The following KHDRBS2 variants were observed in gnomAD, a reference collection of about 807,000 sequenced individuals.
KHDRBS2 encodes KH domain-containing, RNA-binding, signal transduction-associated protein 2.
Under a neutral mutation model 44.3 loss-of-function variants are expected in KHDRBS2, and 26 were observed. The observed-to-expected ratio is 0.59, with a 90% CI of 0.43 to 0.81. KHDRBS2 has a LOEUF of 0.81. Among genes scored for constraint, KHDRBS2 ranks in the 40% least tolerant of loss-of-function variants. The pLI is 0.00. For synonymous variants in KHDRBS2, 194 were observed against 151.1 expected (o/e 1.28, Z -2.08); for missense variants, 476 against 433.1 (o/e 1.10, Z -0.88).
intron 1 of KHDRBS2, among the ~76,000 whole-genome samples, chr6:62,255,605 AACACACACACACACACACACACACACAC>A (rs60498757): frequency 1.5e-5 from 2 of 137,424 alleles, no homozygotes; most frequent in Non-Finnish European, 3.1e-5. Flanking sequence ...CATGCTTTAA[AACACACACACACACACACACACACACAC>A]ACACACACAC....
the KHDRBS2 span, among the ~76,000 whole-genome samples, chr6:61,556,620 C>G: frequency 1.3e-4 from 20 of 151,992 alleles, 1 homozygote; most frequent in Non-Finnish European, 2.5e-4. Context: ...GAACCTAATT[C>G]AGCTTACAGC....
At chr6:61,749,869 T>A (rs538012878) in intron 6 of KHDRBS2, among the ~76,000 whole-genome samples, 3 of 152,202 alleles carry the variant, frequency 2.0e-5, no homozygotes, top group South Asian at 2.1e-4. Flanking sequence ...AAAAATCAGA[T>A]CCATATTTCC....
At chr6:62,118,388 T>C (rs557091426) in intron 2 of KHDRBS2, among the ~76,000 whole-genome samples, 2 of 152,324 alleles carry the variant, frequency 1.3e-5, no homozygotes, top group Non-Finnish European at 2.9e-5. Flanking sequence ...GGTCTTTGTG[T>C]CATCATACAA....
intron 6 of KHDRBS2, among the ~76,000 whole-genome samples, chr6:61,788,193 A>T (rs1784109342): frequency 6.6e-6 from 1 of 151,566 alleles, no homozygotes; most frequent in Non-Finnish European, 1.5e-5. Context: ...AACCTTAGTC[A>T]GCTACTTTCA....
rs1777463300 is a variant in KHDRBS2 at position 61,750,205 on chromosome 6, G to A, written c.811-17441C>T. Among the ~76,000 whole-genome samples the A allele has an allele frequency of 2.6e-5, 4 of 152,126 alleles. No individual in the cohort carries two copies. In the South Asian group the frequency reaches 8.3e-4, roughly 32 times the overall value. ...AGAGATTGACAAAAGCATCAAAAGA[G>A]ACAAAAGGTCATTCTTTTAAAAGTC... On this transcript the variant is annotated intron_variant, in intron 6 of 8. Coordinates refer to ENST00000281156, the MANE Select transcript of KHDRBS2 (RefSeq NM_152688.4).
the KHDRBS2 span, among the ~76,000 whole-genome samples, chr6:61,662,393 C>T: frequency 6.6e-6 from 1 of 150,722 alleles, no homozygotes; most frequent in South Asian, 2.1e-4. Flanking sequence ...CCAAAATTGA[C>T]AAATGGGATC....
chr6:62,154,291 C>T (rs2150107709), intron 2 of KHDRBS2, among the ~76,000 whole-genome samples: 1 of 152,270 alleles, frequency 6.6e-6, no homozygotes, highest in Non-Finnish European at 1.5e-5. Flanking sequence ...GGATAGCTCC[C>T]TTTCCCATCC....
chr6:62,048,061 A>G, intron 2 of KHDRBS2, 67 bp from the exon 3 acceptor site: 1 of 885,706 alleles, frequency 1.1e-6, no homozygotes, highest in Non-Finnish European at 1.9e-6. Flanking sequence ...CACCAAGAGT[A>G]ATTGATAGGT....
chr6:61,588,979 G>C, the KHDRBS2 span, among the ~76,000 whole-genome samples: 7 of 151,974 alleles, frequency 4.6e-5, no homozygotes, highest in African/African-American at 1.7e-4. Flanking sequence ...AAAACCAAAT[G>C]CTGCATGTTC....
the KHDRBS2 span, among the ~76,000 whole-genome samples, chr6:61,585,017 A>G: frequency 6.6e-6 from 1 of 151,938 alleles, no homozygotes; most frequent in African/African-American, 2.4e-5. Context: ...CTTTGAAACT[A>G]TTCTTGTATT....
intron 1 of KHDRBS2, among the ~76,000 whole-genome samples, chr6:62,258,784 C>T (rs34278226): frequency 3.3e-5 from 5 of 151,872 alleles, no homozygotes; most frequent in Non-Finnish European, 7.4e-5. Flanking sequence ...ATTTTAGATA[C>T]GGGATACTCA....
chr6:61,673,441 A>C, the KHDRBS2 span, among the ~76,000 whole-genome samples: 1 of 151,396 alleles, frequency 6.6e-6, no homozygotes, highest in Non-Finnish European at 1.5e-5. Flanking sequence ...AGGCAGGAGA[A>C]GGAAATGAAG....
rs374620099 is a variant in KHDRBS2, at chr6:62,260,483, A to G, written c.91+25375T>C. Reference sequence around the variant, plus strand: ...CCACCCATGGATTTAACAATTCCACACTATTTCCAAGTAGTTACCAACAAG... The same window carrying G: ...CCACCCATGGATTTAACAATTCCACGCTATTTCCAAGTAGTTACCAACAAG... On this transcript the variant is annotated intron_variant, in intron 1 of 8. Transcript: ENST00000281156. Among the ~76,000 whole-genome samples, 20 of 152,116 alleles carry G rather than the reference A, an allele frequency of 1.3e-4. No homozygotes were observed. The East Asian group carries it at 3.1e-3, about 24-fold the overall frequency.
At chr6:62,013,917 A>C (rs1428899381) in intron 3 of KHDRBS2, among the ~76,000 whole-genome samples, 3 of 152,204 alleles carry the variant, frequency 2.0e-5, no homozygotes. Context: ...TAGCAACCAC[A>C]GGAAGGAAAG....
chr6:61,638,968 C>T, the KHDRBS2 span, among the ~76,000 whole-genome samples: 1 of 152,056 alleles, frequency 6.6e-6, no homozygotes, highest in Non-Finnish European at 1.5e-5. Flanking sequence ...ACAGTAGGTG[C>T]TGGTTAAATC....
At chr6:62,194,173 T>C (rs747724312) in intron 1 of KHDRBS2, among the ~76,000 whole-genome samples, 5 of 152,138 alleles carry the variant, frequency 3.3e-5, no homozygotes, top group Admixed American at 6.6e-5. Context: ...CATACTTCTA[T>C]GTTTTTTTCC....
chr6:61,833,110 T>C (rs1297452422), intron 6 of KHDRBS2, among the ~76,000 whole-genome samples: 1 of 152,216 alleles, frequency 6.6e-6, no homozygotes, highest in Non-Finnish European at 1.5e-5. Flanking sequence ...ACTTTTTTCA[T>C]ATTCCAATGG....
At chr6:61,661,750 A>T in the KHDRBS2 span, among the ~76,000 whole-genome samples, 4 of 151,954 alleles carry the variant, frequency 2.6e-5, no homozygotes, top group Admixed American at 6.6e-5. Flanking sequence ...ATAAAAGAGG[A>T]TACAAACAAA....
In KHDRBS2 at chr6:61,697,246, C is replaced by G. The variant is rs1382268728; in HGVS notation, c.901G>C (p.Glu301Gln). The G allele has an allele frequency of 5.0e-6, 8 of 1,602,652 alleles. No individual in the cohort carries two copies. In the African/African-American group the frequency reaches 1.1e-4, roughly 21 times the overall value. Residue 301 changes from glutamate to glutamine, a missense_variant, in exon 8 of 9, where the codon GAA becomes CAA. Transcript: ENST00000281156. ...SYATQTQSVP[E>Q]YYDYGHGVSE... ...ACTCCATGACCGTAGTCATAGTATT[C>G]AGGCACACTGCAACAAATTTAGATA...
Sources: gnomAD v4.1 joint callset for allele counts (sites outside exome capture counted in the v4.1 genomes callset) on GRCh38, gnomAD v4.1.1 for gene constraint, MANE v1.5 for transcripts, NCBI Gene and HGNC (gene_info 2026-07-23, HGNC 2026-07-21) for gene names.